Variants in COLEC12 observed in about 807,000 individuals in gnomAD.
COLEC12 encodes the protein collectin-12.
Under a neutral mutation model 71.1 loss-of-function variants are expected in COLEC12, and 33 were observed. The observed-to-expected ratio is 0.46, with a 90% CI of 0.35 to 0.62. COLEC12 has a LOEUF of 0.62. COLEC12 is among the 20% of genes least tolerant of loss of function. The pLI is 0.00. For synonymous variants in COLEC12, 350 were observed against 353.0 expected (o/e 0.99, Z 0.10); for missense variants, 765 against 916.1 (o/e 0.84, Z 2.13).
intron 1 of COLEC12, among the ~76,000 whole-genome samples, chr18:491,039 G>A (rs1917611053): frequency 2.6e-5 from 4 of 152,324 alleles, no homozygotes; most frequent in African/African-American, 9.6e-5. Context: ...ATATTTAAGT[G>A]CTTCCAAACC....
At chr18:426,120 C>A (rs1157729824) in intron 2 of COLEC12, among the ~76,000 whole-genome samples, 2 of 152,226 alleles carry the variant, frequency 1.3e-5, no homozygotes, top group African/African-American at 4.8e-5. Context: ...CCTCACTCCT[C>A]TCTTTTAGAC....
chr18:455,719 C>T (rs1159006088), intron 2 of COLEC12, among the ~76,000 whole-genome samples: 3 of 151,964 alleles, frequency 2.0e-5, no homozygotes, highest in Admixed American at 1.3e-4. Flanking sequence ...CATTGTTCAA[C>T]TCCCACTTAT....
intron 9 of COLEC12, among the ~76,000 whole-genome samples, chr18:320,857 T>C (rs902760423): frequency 6.6e-6 from 1 of 152,234 alleles, no homozygotes; most frequent in Non-Finnish European, 1.5e-5. Context: ...TTTAGATACA[T>C]AGCCTTTGAA....
intron 2 of COLEC12, among the ~76,000 whole-genome samples, chr18:441,963 A>G (rs933137197): frequency 7.0e-6 from 1 of 142,392 alleles, no homozygotes; most frequent in Non-Finnish European, 1.5e-5. Flanking sequence ...TCATGCTACT[A>G]CACTCTAGCC....
chr18:379,866 T>C (rs1028855481), intron 2 of COLEC12, among the ~76,000 whole-genome samples: 4 of 152,186 alleles, frequency 2.6e-5, no homozygotes, highest in Non-Finnish European at 5.9e-5. Context: ...AGCCATCTGG[T>C]AGCTTTGCTT....
intron 2 of COLEC12, among the ~76,000 whole-genome samples, chr18:405,261 C>G (rs758361747): frequency 1.3e-5 from 2 of 152,160 alleles, no homozygotes; most frequent in African/African-American, 2.4e-5. Flanking sequence ...TTTGTTGGAC[C>G]CTTATGAATA....
chr18:348,027 G>T, intron 4 of COLEC12, 38 bp downstream of exon 4: 1 of 1,332,770 alleles, frequency 7.5e-7, no homozygotes, highest in Non-Finnish European at 1.1e-6. Flanking sequence ...TTTATGTAGA[G>T]TCAGGGGATT....
intron 2 of COLEC12, among the ~76,000 whole-genome samples, chr18:391,974 A>G (rs1915471469): frequency 6.6e-6 from 1 of 152,210 alleles, no homozygotes; most frequent in Non-Finnish European, 1.5e-5. Context: ...TCCACAATTC[A>G]TACGTGGCAT....
chr18:441,165 G>A (rs375153696), intron 2 of COLEC12, among the ~76,000 whole-genome samples: 354 of 148,384 alleles, frequency 2.4e-3, no homozygotes, highest in African/African-American at 8.2e-3. Context: ...GGAGAATGGC[G>A]TGAACCCGGG....
intron 2 of COLEC12, among the ~76,000 whole-genome samples, chr18:368,931 G>C (rs1914932537): frequency 6.6e-6 from 1 of 152,108 alleles, no homozygotes; most frequent in African/African-American, 2.4e-5. Flanking sequence ...ATTTCCCATG[G>C]GTTTATCATG....
At chr18:384,807 C>T (rs1002062935) in intron 2 of COLEC12, among the ~76,000 whole-genome samples, 1 of 152,174 alleles carries the variant, frequency 6.6e-6, no homozygotes, top group African/African-American at 2.4e-5. Flanking sequence ...GGAATAAAAA[C>T]ATTTTGTTGA....
Position 500,417 on chromosome 18 carries a change from A to C in COLEC12, c.7+91T>G, listed in dbSNP as rs1310267002. ...CTCCCCGGGCCCGCAGCCCAAGGGAAGGTTCGCGCGGGAGGCACCTCCGTG... is the reference window on the plus strand; with the variant it reads ...CTCCCCGGGCCCGCAGCCCAAGGGACGGTTCGCGCGGGAGGCACCTCCGTG... On this transcript the variant is annotated intron_variant, in intron 1 of 9. Coordinates refer to ENST00000400256, the MANE Select transcript of COLEC12 (RefSeq NM_130386.3). This position sits in a 1 kb window ranked among gnomAD's most constrained non-coding sequence, Gnocchi z 5.3. 1.4e-6 allele frequency: 1 copy of C among 704,052 alleles called. No homozygotes were observed. Among genetic ancestry groups the C allele is most frequent in the Non-Finnish European group, 1.7e-6 (1 of 571,550 alleles). The allele number at this position is 704,052 out of a possible 1,614,324, so 43.6% of individuals were successfully genotyped here. A position where few individuals can be genotyped will look rare whatever the true frequency, so the allele number is the denominator to read the frequency against.
At position 402,444 on chromosome 18, in the gene COLEC12, C is replaced by T. The variant is rs536352999; in HGVS notation, c.59-44922G>A. Among the ~76,000 whole-genome samples, 10 of 152,202 alleles carry T rather than the reference C, an allele frequency of 6.6e-5. No homozygotes were observed. The East Asian group carries it at 9.7e-4, about 15-fold the overall frequency. On this transcript the variant is annotated intron_variant, in intron 2 of 9. Transcript: ENST00000400256. The stretch of plus-strand genomic sequence containing the variant: ...ACCCTATTCTCCTGCCTCAGCACCA[C>T]GCCCTAGCAGAAGGTGGCAGAGTAA...
intron 1 of COLEC12, among the ~76,000 whole-genome samples, chr18:494,181 C>A (rs564389750): frequency 2.0e-5 from 3 of 152,158 alleles, no homozygotes; most frequent in African/African-American, 7.2e-5. Context: ...TACTTCCCCA[C>A]GTGGAGCACA....
At chr18:460,834 T>A (rs898488319) in intron 2 of COLEC12, among the ~76,000 whole-genome samples, 2 of 152,186 alleles carry the variant, frequency 1.3e-5, no homozygotes, top group African/African-American at 2.4e-5. Context: ...ATGGGCATTA[T>A]CTCAGGCCAG....
chr18:467,373 T>G (rs187916854), intron 2 of COLEC12, among the ~76,000 whole-genome samples: 1 of 152,366 alleles, frequency 6.6e-6, no homozygotes, highest in African/African-American at 2.4e-5. Flanking sequence ...ATATGGATTC[T>G]AATACTTGAA....
intron 2 of COLEC12, among the ~76,000 whole-genome samples, chr18:365,323 G>A (rs1914831205): frequency 6.6e-6 from 1 of 152,220 alleles, no homozygotes; most frequent in South Asian, 2.1e-4. Context: ...TGGCTGGTAA[G>A]GCATGTTAGC....
chr18:500,606 C>A lies in COLEC12; in HGVS notation c.-92G>T. The A allele has an allele frequency of 9.4e-7, 1 of 1,063,526 alleles. No homozygotes were observed. The allele number at this position is 1,063,526 out of a possible 1,614,324, so 65.9% of individuals were successfully genotyped here. ...TCCCGAGCGGCTGCTCACCGCACGC[C>A]CATGGTAGCCGCGCCGCGCGCCGGC... is the stretch of plus-strand genomic sequence containing the variant. On this transcript the variant is annotated 5_prime_UTR_variant, in exon 1 of 10. Coordinates refer to ENST00000400256, the MANE Select transcript of COLEC12 (RefSeq NM_130386.3). The surrounding 1 kb of genome is among the most constrained non-coding windows in gnomAD (Gnocchi z 5.3).
chr18:349,228 T>A (rs991088774), intron 3 of COLEC12, among the ~76,000 whole-genome samples: 2 of 152,242 alleles, frequency 1.3e-5, no homozygotes, highest in African/African-American at 2.4e-5. Flanking sequence ...GCCTAGGGAC[T>A]TGGTGCCCTG....
Sources: allele counts gnomAD v4.1 joint callset (sites outside exome capture counted in the v4.1 genomes callset), GRCh38; gene constraint gnomAD v4.1.1; non-coding constraint Gnocchi (gnomAD v3.1); transcripts MANE v1.5; gene names NCBI Gene and HGNC (gene_info 2026-07-23, HGNC 2026-07-21).